REV3L: variants seen among roughly 807,000 people sequenced by gnomAD.
The protein encoded by REV3L is DNA polymerase zeta catalytic subunit.
In REV3L, 69 loss-of-function variants were observed where a neutral mutation model predicts 299.4. The observed-to-expected ratio is 0.23, with a 90% CI of 0.19 to 0.28. REV3L has a LOEUF of 0.28. Ranked by LOEUF, REV3L falls within the 10% of genes least tolerant of loss-of-function variation. The probability of loss-of-function intolerance (pLI) is 1.00; values close to 1 mark genes in which losing one functional copy is unlikely to be tolerated. For missense variants in REV3L, 3,128 were observed against 3,693.8 expected (o/e 0.85, Z 3.97); for synonymous variants, 1,238 against 1,271.4 (o/e 0.97, Z 0.56).
chr6:111,462,596 C>T (rs1283927260), intron 1 of REV3L, among the ~76,000 whole-genome samples: 1 of 152,050 alleles, frequency 6.6e-6, no homozygotes, highest in Admixed American at 6.6e-5. Flanking sequence ...GAAAAATGTA[C>T]AAACCCACAA....
Position 111,394,425 on chromosome 6 carries a change from T to G in REV3L, c.566-1453A>C, listed in dbSNP as rs140894556. 2.3e-3 allele frequency among the ~76,000 whole-genome samples: 350 copies of G among 152,296 alleles called. 3 individuals carry two copies. The highest frequency in any genetic ancestry group is 8.1e-3 in the African/African-American group (336 of 41,568). ...TTTAAAAAATATACCTGCCGGCCATTTGTATGTCTTCTTTTTTGAGAGGTG... is the reference window on the plus strand; with the variant it reads ...TTTAAAAAATATACCTGCCGGCCATGTGTATGTCTTCTTTTTTGAGAGGTG... On this transcript the variant is annotated intron_variant, in intron 4 of 31. Transcript: ENST00000368802.
Position 111,349,284 on chromosome 6 carries a change from A to G in REV3L, c.7353T>C (p.Tyr2451=), listed in dbSNP as rs778139883. 2 of 1,608,468 alleles carry G rather than the reference A, an allele frequency of 1.2e-6. No homozygotes were observed. The highest frequency in any genetic ancestry group is 1.7e-6 in the Non-Finnish European group (2 of 1,176,312). ...CAACAATATTTATCTCACTCATTGT[A>G]TATGATCCATACTCATCTCTTTCAG... ...FAAERDEYGS[Y]TMSEINIVGR... The change falls in exon 20 of 32, where the codon TAT becomes TAC. Residue 2451 remains tyrosine (Y), a synonymous_variant. Transcript: ENST00000368802.
At chr6:111,437,704 G>T (rs1012718323) in intron 1 of REV3L, among the ~76,000 whole-genome samples, 2 of 152,108 alleles carry the variant, frequency 1.3e-5, no homozygotes, top group Admixed American at 6.5e-5. Context: ...TGGGAAATGA[G>T]TACTGACTGC....
intron 1 of REV3L, among the ~76,000 whole-genome samples, chr6:111,454,364 C>A (rs1789922832): frequency 6.6e-6 from 1 of 151,998 alleles, no homozygotes. Context: ...AAGGTCCTTA[C>A]CTTCATGAAT....
chr6:111,315,775 T>C (rs1773452636), intron 26 of REV3L: 1 of 186,070 alleles, frequency 5.4e-6, no homozygotes, highest in Admixed American at 5.3e-5. Context: ...TAGATTCTCA[T>C]AGGAGCATGA....
At chr6:111,304,448 T>C (rs900630790) in intron 31 of REV3L, among the ~76,000 whole-genome samples, 1 of 151,336 alleles carries the variant, frequency 6.6e-6, no homozygotes, top group African/African-American at 2.4e-5. Context: ...TGTTTGGATG[T>C]GTTTCTAATT....
intron 1 of REV3L, among the ~76,000 whole-genome samples, chr6:111,447,953 C>A (rs1789050318): frequency 6.6e-6 from 1 of 152,094 alleles, no homozygotes; most frequent in Admixed American, 6.5e-5. Context: ...GTTATTTCCC[C>A]ACACAAAATC....
At chr6:111,416,637 A>G (rs1217981444) in intron 1 of REV3L, among the ~76,000 whole-genome samples, 165 bp from the exon 2 acceptor site, 1 of 152,250 alleles carries the variant, frequency 6.6e-6, no homozygotes, top group Non-Finnish European at 1.5e-5. Context: ...ACTACATTTT[A>G]CAACAGAACA....
intron 1 of REV3L, among the ~76,000 whole-genome samples, chr6:111,465,974 T>A (rs1343952096): frequency 6.6e-6 from 1 of 152,176 alleles, no homozygotes; most frequent in Non-Finnish European, 1.5e-5. Flanking sequence ...GCTACTCAAA[T>A]GCCATCTATG....
At chr6:111,470,977 C>T (rs1369007246) in intron 1 of REV3L, among the ~76,000 whole-genome samples, 1 of 151,608 alleles carries the variant, frequency 6.6e-6, no homozygotes, top group Non-Finnish European at 1.5e-5. Context: ...GAGACTCTGT[C>T]TCAAAAAAAT....
In REV3L at chr6:111,372,706, G is replaced by C. The variant is rs1188866730; in HGVS notation, c.5649C>G (p.Ser1883=). 1 of 1,607,596 alleles carries C rather than the reference G, an allele frequency of 6.2e-7. No individual in the cohort carries two copies. Among genetic ancestry groups the C allele is most frequent in the Non-Finnish European group, 8.5e-7 (1 of 1,177,232 alleles). Residue 1883 remains serine (S), a synonymous_variant, in exon 13 of 32, where the codon TCC becomes TCG. Transcript: ENST00000368802. ...CCATAATTTCTTCCCTACTTGGGGG[G>C]GACATAAGTGGTTTCAGAATGTTAG... ...RTANILKPLM[S]PPSREEIMAT...
intron 1 of REV3L, among the ~76,000 whole-genome samples, chr6:111,446,697 T>C (rs1017918745): frequency 7.4e-6 from 1 of 134,772 alleles, no homozygotes; most frequent in Non-Finnish European, 1.6e-5. Flanking sequence ...TGAGACTCTG[T>C]CTCAAAACAA....
chr6:111,376,482 T>C lies in REV3L; in HGVS notation c.1873A>G (p.Met625Val), dbSNP rs139483762. 255 of 1,613,672 alleles carry C rather than the reference T, an allele frequency of 1.6e-4. 1 individual carries two copies. The highest frequency in any genetic ancestry group is 2.0e-4 in the Non-Finnish European group (239 of 1,179,832). The change falls in exon 13 of 32, where the codon ATG becomes GTG. Residue 625 changes from methionine to valine, a missense_variant. By Grantham distance (21) the Met-to-Val change is conservative. This residue lies in a region of REV3L where 2,409 missense variants were observed against 2,611.8 expected (regional missense o/e 0.92). Coordinates refer to ENST00000368802, the MANE Select transcript of REV3L (RefSeq NM_001372078.1). ...TSFTNESTYS[M>V]KYPGSLSSTV... ...CTGCTTAAAGATCCAGGGTATTTCA[T>C]AGAATAAGTGCTTTCGTTTGTAAAA...
At chr6:111,400,797 T>A (rs990109735) in intron 4 of REV3L, among the ~76,000 whole-genome samples, 1 of 152,318 alleles carries the variant, frequency 6.6e-6, no homozygotes, top group Non-Finnish European at 1.5e-5. Context: ...CAAGACTGGG[T>A]ACATTTTCCC....
At chr6:111,310,194 T>G in intron 29 of REV3L, 95 bp from the exon 30 acceptor site, 1 of 1,377,510 alleles carries the variant, frequency 7.3e-7, no homozygotes, top group South Asian at 1.9e-5. Flanking sequence ...AATAAAACAA[T>G]GAAAAAACTA....
At chr6:111,391,886 G>C (rs990228405) in intron 5 of REV3L, among the ~76,000 whole-genome samples, 2 of 152,218 alleles carry the variant, frequency 1.3e-5, no homozygotes, top group East Asian at 1.9e-4. Flanking sequence ...ATTCTTGGGA[G>C]GCTAAGGTGG....
At chr6:111,305,832 G>A (rs1268403715) in intron 31 of REV3L, among the ~76,000 whole-genome samples, 4 of 152,060 alleles carry the variant, frequency 2.6e-5, no homozygotes, top group Admixed American at 6.6e-5. Context: ...TTCTATGAGA[G>A]TTGGCTGCTG....
At chr6:111,369,716 C>G (rs1779587067) in intron 13 of REV3L, among the ~76,000 whole-genome samples, 1 of 152,036 alleles carries the variant, frequency 6.6e-6, no homozygotes, top group African/African-American at 2.4e-5. Flanking sequence ...AAAAACTATA[C>G]TTTTTAAAAA....
Position 111,411,513 on chromosome 6 carries a change from T to G in REV3L, c.371A>C (p.Lys124Thr). 6.3e-7 allele frequency: 1 copy of G among 1,590,824 alleles called. No individual in the cohort carries two copies. The highest frequency in any genetic ancestry group is 8.6e-7 in the Non-Finnish European group (1 of 1,165,318). ...GYHEKERHFM[K>T]IYLYNPTMVK... The stretch of plus-strand genomic sequence containing the variant: ...CATTGTAGGATTGTAAAGATAGATC[T>G]TCATAAAGTGTCTTTCCTTCTCATG... The change falls in exon 3 of 32, where the codon AAG (lysine) becomes ACG (threonine). Residue 124 changes from lysine (K) to threonine (T), a missense_variant. Lys to Thr is a moderately conservative substitution (Grantham distance 78, BLOSUM62 -1). Coordinates refer to ENST00000368802, the MANE Select transcript of REV3L (RefSeq NM_001372078.1).
Sources: allele counts gnomAD v4.1 joint callset (sites outside exome capture counted in the v4.1 genomes callset), GRCh38; gene constraint gnomAD v4.1.1; regional missense constraint gnomAD v4.1.1; transcripts MANE v1.5; gene names NCBI Gene and HGNC (gene_info 2026-07-23, HGNC 2026-07-21).